FHL2: variants seen among roughly 807,000 people sequenced by gnomAD.
The protein encoded by FHL2 is four and a half LIM domains protein 2.
A neutral mutation model predicts 32.7 loss-of-function variants in FHL2; 20 were observed. That is an observed-to-expected ratio of 0.61 (90% CI 0.43 to 0.89). FHL2 has a LOEUF of 0.89. Among genes scored for constraint, FHL2 ranks in the 40% least tolerant of loss-of-function variants. FHL2 has a pLI of 0.00. For missense variants in FHL2, 311 were observed against 358.6 expected (o/e 0.87, Z 1.07); for synonymous variants, 123 against 128.1 (o/e 0.96, Z 0.27).
intron 3 of FHL2, chr2:105,374,056 A>G (rs754088881): frequency 1.7e-5 from 6 of 355,410 alleles, no homozygotes; most frequent in African/African-American, 4.2e-5. Flanking sequence ...AAACATGAAC[A>G]CCTATCAATT....
At chr2:105,399,292 G>T (rs1176931213), upstream of FHL2, 1 of 1,535,684 alleles carries the variant, frequency 6.5e-7, no homozygotes, top group Non-Finnish European at 8.7e-7. Flanking sequence ...CGGGAGCGTC[G>T]CCTCCGGCGT....
chr2:105,435,538 C>G (rs1181683172), intron 1 of FHL2, among the ~76,000 whole-genome samples: 1 of 152,172 alleles, frequency 6.6e-6, no homozygotes, highest in African/African-American at 2.4e-5. Context: ...CAGATACCAT[C>G]TAGACATGCT....
chr2:105,396,293 T>C (rs374242410), intron 2 of FHL2, among the ~76,000 whole-genome samples: 1 of 152,120 alleles, frequency 6.6e-6, no homozygotes, highest in Non-Finnish European at 1.5e-5. Context: ...GGAGACTCTA[T>C]AGACCCAAGA....
intron 4 of FHL2, among the ~76,000 whole-genome samples, chr2:105,372,031 C>A (rs1225356176): frequency 6.6e-6 from 1 of 152,170 alleles, no homozygotes. Flanking sequence ...TGCAGCCCTT[C>A]CAGCTGTTTT....
intron 1 of FHL2, among the ~76,000 whole-genome samples, chr2:105,416,354 C>T (rs1165615546): frequency 6.6e-6 from 1 of 152,120 alleles, no homozygotes; most frequent in Non-Finnish European, 1.5e-5. Flanking sequence ...CTTCTGCATT[C>T]GATCTGTGGA....
rs867464975 is a variant in FHL2, at chr2:105,367,561, C to T, written c.501+9G>A. The stretch of plus-strand genomic sequence containing the variant: ...GAACGTGCAAGGGCCAAGGGGGCAT[C>T]TGAGATACCTTTTTGCACTGAACGC... On this transcript the variant is annotated intron_variant, in intron 5 of 6. Transcript: ENST00000530340. 3.1e-6 allele frequency: 5 copies of T among 1,607,678 alleles called. No individual in the cohort carries two copies. Among genetic ancestry groups the T allele is most frequent in the Middle Eastern group, 1.7e-4 (1 of 6,034 alleles).
chr2:105,424,307 C>T (rs894125475), intron 1 of FHL2, among the ~76,000 whole-genome samples: 4 of 152,150 alleles, frequency 2.6e-5, no homozygotes, highest in African/African-American at 7.2e-5. Flanking sequence ...CAGAGAAACG[C>T]AAATCAAAAC....
At chr2:105,438,031 T>C (rs2104692398) in intron 1 of FHL2, among the ~76,000 whole-genome samples, 1 of 152,292 alleles carries the variant, frequency 6.6e-6, no homozygotes, top group South Asian at 2.1e-4. Context: ...CATTTCTTCT[T>C]TTGCTTTCCC....
At chr2:105,383,902 C>T (rs1370192694) in intron 3 of FHL2, among the ~76,000 whole-genome samples, 1 of 152,222 alleles carries the variant, frequency 6.6e-6, no homozygotes, top group East Asian at 1.9e-4. Flanking sequence ...TACAGTGTAA[C>T]CCCACGTATC....
chr2:105,412,251 TAAAAAG>T (rs1280243712), intron 1 of FHL2, among the ~76,000 whole-genome samples: 1 of 152,142 alleles, frequency 6.6e-6, no homozygotes, highest in African/African-American at 2.4e-5. Flanking sequence ...TATTCACACT[TAAAAAG>T]GAAGGACATT....
intron 2 of FHL2, among the ~76,000 whole-genome samples, chr2:105,394,417 A>T (rs4851763): frequency 0.86 from 130,390 of 150,776 alleles, 56,405 homozygotes; most frequent in Admixed American, 0.92. Context: ...AAAAAAAAAA[A>T]TTTATATCAG....
intron 2 of FHL2, among the ~76,000 whole-genome samples, chr2:105,393,621 G>T (rs1366472662): frequency 6.6e-6 from 1 of 152,208 alleles, no homozygotes; most frequent in Non-Finnish European, 1.5e-5. Context: ...CAGGGGCTTT[G>T]TGAATACTTG....
chr2:105,427,651 G>A (rs1684306387), intron 1 of FHL2, among the ~76,000 whole-genome samples: 1 of 152,170 alleles, frequency 6.6e-6, no homozygotes, highest in African/African-American at 2.4e-5. Flanking sequence ...ACTTTATTCA[G>A]CATTTCTTGT....
chr2:105,358,193 T>G (rs1206116249), downstream of FHL2: 1 of 152,204 alleles, frequency 6.6e-6, no homozygotes, highest in Admixed American at 6.5e-5. Context: ...TTTTTGACAA[T>G]CCCCTTAGGC....
rs757222173 is a variant in FHL2 at position 105,386,376 on chromosome 2, G to C, written c.141C>G (p.Ile47Met). Residue 47 changes from isoleucine (I) to methionine (M), a missense_variant, in exon 3 of 7, where the codon ATC (isoleucine) becomes ATG (methionine). Physicochemically the swap from Ile to Met is conservative, Grantham distance 10. Coordinates refer to ENST00000530340, the MANE Select transcript of FHL2 (RefSeq NM_001318895.3). ...CAGCAGGTACCTTGCAGTCACAGCCGATGGGCTTCCCACACTCCTCGCAGG... is the reference window on the plus strand; with the variant it reads ...CAGCAGGTACCTTGCAGTCACAGCCCATGGGCTTCCCACACTCCTCGCAGG... ...ANTCEECGKP[I>M]GCDCKDLSYK... 3 of 1,613,908 alleles carry C rather than the reference G, an allele frequency of 1.9e-6. No homozygotes were observed. Among genetic ancestry groups the C allele is most frequent in the Non-Finnish European group, 2.5e-6 (3 of 1,180,002 alleles).
At chr2:105,433,182 C>CTT (rs758782839) in intron 1 of FHL2, among the ~76,000 whole-genome samples, 28 of 102,630 alleles carry the variant, frequency 2.7e-4, no homozygotes, top group Non-Finnish European at 1.4e-4. Flanking sequence ...TCTTCTTCTT[C>CTT]TTTTTTTTTT....
intron 1 of FHL2, among the ~76,000 whole-genome samples, chr2:105,426,411 A>T (rs1288741445): frequency 1.3e-5 from 2 of 152,202 alleles, no homozygotes; most frequent in Non-Finnish European, 2.9e-5. Flanking sequence ...AGAATGAAAA[A>T]CACATGGTAA....
upstream of FHL2, among the ~76,000 whole-genome samples, chr2:105,399,966 G>A: frequency 6.6e-6 from 1 of 152,162 alleles, no homozygotes. Context: ...GAGAAGGCGG[G>A]AAGAACTCCG....
intron 1 of FHL2, 150 bp downstream of exon 1, chr2:105,398,692 G>C (rs535932049): frequency 1.2e-4 from 46 of 381,890 alleles, no homozygotes; most frequent in Admixed American, 1.5e-4. Flanking sequence ...CCCTCTCCCC[G>C]TGGTCTCCCC....
Sources: allele counts gnomAD v4.1 joint callset (sites outside exome capture counted in the v4.1 genomes callset), GRCh38; gene constraint gnomAD v4.1.1; transcripts MANE v1.5; gene names NCBI Gene and HGNC (gene_info 2026-07-23, HGNC 2026-07-21).